Variants in KAZN observed in about 807,000 individuals in gnomAD.
KAZN encodes the protein kazrin.
Under a neutral mutation model 87.4 loss-of-function variants are expected in KAZN, and 40 were observed. The ratio of observed to expected loss-of-function variants is 0.46; its 90% confidence interval spans 0.36 to 0.60. KAZN has a LOEUF of 0.60. Ranked by LOEUF, KAZN falls within the 20% of genes least tolerant of loss-of-function variation. KAZN has a pLI of 0.00. For synonymous variants in KAZN, 466 were observed against 458.3 expected (o/e 1.02, Z -0.22); for missense variants, 898 against 1,073.9 (o/e 0.84, Z 2.29).
chr1:14,272,971 T>G (rs1239950212), intron 2 of KAZN, among the ~76,000 whole-genome samples: 1 of 152,076 alleles, frequency 6.6e-6, no homozygotes, highest in Non-Finnish European at 1.5e-5. Context: ...GAATAAGAGA[T>G]CACTAATAGT....
intron 1 of KAZN, among the ~76,000 whole-genome samples, chr1:14,928,363 G>A (rs1208318290): frequency 1.3e-5 from 2 of 151,884 alleles, no homozygotes; most frequent in Non-Finnish European, 2.9e-5. Flanking sequence ...GCAGGAGAGT[G>A]TCATGAACCT....
At chr1:14,514,879 A>C (rs751470020) in intron 2 of KAZN, among the ~76,000 whole-genome samples, 25 of 152,032 alleles carry the variant, frequency 1.6e-4, no homozygotes, top group Non-Finnish European at 2.2e-4. Flanking sequence ...TTGATGGATG[A>C]AGTCAGATGA....
intron 1 of KAZN, among the ~76,000 whole-genome samples, chr1:14,021,805 A>G (rs1281080803): frequency 1.3e-5 from 2 of 152,182 alleles, no homozygotes; most frequent in Admixed American, 6.5e-5. Flanking sequence ...TAGACTCTTT[A>G]TGTTCCCTGG....
chr1:14,702,759 C>T (rs1355999159), intron 1 of KAZN, among the ~76,000 whole-genome samples: 2 of 152,178 alleles, frequency 1.3e-5, no homozygotes, highest in East Asian at 1.9e-4. Flanking sequence ...GTGGCCCTTT[C>T]GCCATGCTCT....
chr1:14,665,974 A>G (rs999920991), intron 1 of KAZN, among the ~76,000 whole-genome samples: 5 of 150,882 alleles, frequency 3.3e-5, no homozygotes, highest in Non-Finnish European at 7.4e-5. Context: ...AAAGGTCAGG[A>G]GATGGATAAC....
At chr1:14,427,769 G>T (rs61771869) in intron 2 of KAZN, among the ~76,000 whole-genome samples, 2 of 152,262 alleles carry the variant, frequency 1.3e-5, no homozygotes, top group East Asian at 1.9e-4. Context: ...TCACCACAAA[G>T]CAAAATTATA....
chr1:14,149,091 C>T, intron 1 of KAZN, among the ~76,000 whole-genome samples: 3 of 79,792 alleles, frequency 3.8e-5, no homozygotes, highest in African/African-American at 5.0e-5. Context: ...TCCTTCCTTC[C>T]TTTCTTTCTT....
chr1:14,525,422 C>G (rs1020589375), intron 2 of KAZN, among the ~76,000 whole-genome samples: 1 of 152,194 alleles, frequency 6.6e-6, no homozygotes, highest in African/African-American at 2.4e-5. Flanking sequence ...CTGGCCGTTG[C>G]AGAGTAAAAG....
intron 1 of KAZN, among the ~76,000 whole-genome samples, chr1:14,098,060 C>G (rs540059843): frequency 6.6e-6 from 1 of 151,786 alleles, no homozygotes; most frequent in Non-Finnish European, 1.5e-5. Flanking sequence ...TCCATTTTAC[C>G]GAAGAGGAAA....
At chr1:15,098,928 G>A (rs1640919964) in intron 10 of KAZN, among the ~76,000 whole-genome samples, 1 of 152,254 alleles carries the variant, frequency 6.6e-6, no homozygotes, top group Non-Finnish European at 1.5e-5. Flanking sequence ...TGCCCCCCAG[G>A]AGCTGACCGT....
rs150122152 is a variant in KAZN, at chr1:14,365,058, T to C, written c.249+184466T>C. ...ATGCCCGGCCCCCTCTCTTTTTTTTTTTTGTGACGGAGTCTCACTCTGTTG... is the reference window on the plus strand; with the variant it reads ...ATGCCCGGCCCCCTCTCTTTTTTTTCTTTGTGACGGAGTCTCACTCTGTTG... On this transcript the variant is annotated intron_variant, in intron 2 of 16. Transcript: ENST00000636203. Among the ~76,000 whole-genome samples the C allele has an allele frequency of 9.1e-3, 1,389 of 151,876 alleles. 19 individuals carry two copies. The highest frequency in any genetic ancestry group is 0.032 in the African/African-American group (1,310 of 41,438).
intron 1 of KAZN, among the ~76,000 whole-genome samples, chr1:14,130,684 G>T (rs1415220289): frequency 6.6e-6 from 1 of 152,046 alleles, no homozygotes; most frequent in East Asian, 1.9e-4. Flanking sequence ...TGCCTCTGGG[G>T]TTGACTGATT....
chr1:14,904,121 A>G (rs1339249397), intron 1 of KAZN, among the ~76,000 whole-genome samples: 4 of 151,904 alleles, frequency 2.6e-5, no homozygotes, highest in African/African-American at 7.3e-5. Context: ...TCACGTTCCA[A>G]CCTCAGCTCA....
At chr1:14,775,390 T>C (rs535729806) in intron 1 of KAZN, among the ~76,000 whole-genome samples, 1 of 152,366 alleles carries the variant, frequency 6.6e-6, no homozygotes, top group Admixed American at 6.5e-5. Flanking sequence ...AAATAAATGC[T>C]GTTCCTTCGT....
chr1:13,940,051 G>A (rs1440786201), intron 1 of KAZN, among the ~76,000 whole-genome samples: 3 of 152,064 alleles, frequency 2.0e-5, no homozygotes, highest in Non-Finnish European at 2.9e-5. Flanking sequence ...GATTTAGAGG[G>A]AACAACATCC....
chr1:15,015,085 C>T (rs1573066799), intron 2 of KAZN, among the ~76,000 whole-genome samples: 1 of 152,072 alleles, frequency 6.6e-6, no homozygotes, highest in East Asian at 1.9e-4. Context: ...GAACTAAAGA[C>T]TGCTTTTTTC....
At chr1:13,951,808 C>T (rs1325969451) in intron 1 of KAZN, among the ~76,000 whole-genome samples, 5 of 152,172 alleles carry the variant, frequency 3.3e-5, no homozygotes, top group Admixed American at 2.6e-4. Context: ...TTCCCACCCC[C>T]TTACCACCCA....
At chr1:14,180,497 G>A (rs1646174206) in exon 2 of KAZN, 2 of 1,550,290 alleles carry the variant, frequency 1.3e-6, no homozygotes, top group African/African-American at 1.4e-5. Flanking sequence ...CAAGTCGAAG[G>A]CACTGGAGGA....
chr1:13,949,575 A>G (rs750993687), intron 1 of KAZN, among the ~76,000 whole-genome samples: 3 of 152,060 alleles, frequency 2.0e-5, no homozygotes, highest in Non-Finnish European at 2.9e-5. Context: ...GGGGTTCCAT[A>G]ATGGCGATCA....
Sources: gnomAD v4.1 joint callset for allele counts (sites outside exome capture counted in the v4.1 genomes callset) on GRCh38, gnomAD v4.1.1 for gene constraint, MANE v1.5 for transcripts, NCBI Gene and HGNC (gene_info 2026-07-23, HGNC 2026-07-21) for gene names.